Variants in TMPRSS11A observed in about 807,000 individuals in gnomAD.
The protein encoded by TMPRSS11A is transmembrane protease serine 11A.
A neutral mutation model predicts 58.9 loss-of-function variants in TMPRSS11A; 53 were observed. The observed-to-expected ratio is 0.90, with a 90% CI of 0.72 to 1.13. The LOEUF (loss-of-function observed/expected upper bound fraction) is 1.13, where lower values mean the gene tolerates loss of function less well. Ranked by LOEUF, TMPRSS11A falls within the 50% of genes most tolerant of loss-of-function variation. The pLI is 0.00. For synonymous variants in TMPRSS11A, 167 were observed against 169.8 expected (o/e 0.98, Z 0.13); for missense variants, 493 against 499.3 (o/e 0.99, Z 0.12).
At chr4:67,956,161 A>C (rs568743727) in intron 1 of TMPRSS11A, among the ~76,000 whole-genome samples, 2 of 152,220 alleles carry the variant, frequency 1.3e-5, no homozygotes, top group Admixed American at 1.3e-4. Context: ...CATAAGTCCT[A>C]CTCTAGGTCA....
chr4:67,946,359 A>AT (rs925478626), intron 2 of TMPRSS11A, 91 bp downstream of exon 2: 7 of 1,364,102 alleles, frequency 5.1e-6, no homozygotes, highest in Admixed American at 2.8e-5. Flanking sequence ...TAAATGTGCA[A>AT]TTTTTTAGAT....
intron 8 of TMPRSS11A, among the ~76,000 whole-genome samples, chr4:67,917,651 T>C (rs1157228279): frequency 1.3e-5 from 2 of 152,140 alleles, no homozygotes; most frequent in Non-Finnish European, 1.5e-5. Context: ...GAGGCCGTGT[T>C]CAAGTAGGGT....
chr4:67,942,894 C>T (rs1482205368), intron 3 of TMPRSS11A, among the ~76,000 whole-genome samples: 2 of 152,026 alleles, frequency 1.3e-5, no homozygotes, highest in Non-Finnish European at 2.9e-5. Flanking sequence ...AAAAAGTTCT[C>T]AGTAAAAAGA....
chr4:67,948,479 A>G (rs2109764715), intron 1 of TMPRSS11A, among the ~76,000 whole-genome samples: 1 of 152,272 alleles, frequency 6.6e-6, no homozygotes, highest in South Asian at 2.1e-4. Flanking sequence ...TTTTATATAT[A>G]AATGCCAGGA....
At chr4:67,911,540 A>T (rs769556322) in intron 9 of TMPRSS11A, 37 bp from the exon 10 acceptor site, 2 of 1,558,770 alleles carry the variant, frequency 1.3e-6, no homozygotes, top group Non-Finnish European at 1.8e-6. Context: ...AAAGAAAATT[A>T]GCTAAACATA....
chr4:67,928,831 A>T (rs1331604847), intron 5 of TMPRSS11A, among the ~76,000 whole-genome samples: 1 of 152,220 alleles, frequency 6.6e-6, no homozygotes, highest in Non-Finnish European at 1.5e-5. Context: ...GTCTGATAAA[A>T]ATCGCTTGCC....
intron 3 of TMPRSS11A, among the ~76,000 whole-genome samples, chr4:67,943,019 T>C (rs1269597457): frequency 7.7e-6 from 1 of 130,574 alleles, no homozygotes; most frequent in Admixed American, 7.5e-5. Context: ...ACATGAAACA[T>C]AGAATGATTT....
At chr4:67,944,482 C>A (rs749519427) in intron 3 of TMPRSS11A, 37 bp downstream of exon 3, 5 of 1,588,104 alleles carry the variant, frequency 3.1e-6, no homozygotes, top group East Asian at 2.2e-5. Context: ...CTTCCACTTG[C>A]ATTATTCTAT....
chr4:67,946,384 A>C, intron 2 of TMPRSS11A, 66 bp downstream of exon 2: 1 of 1,492,854 alleles, frequency 6.7e-7, no homozygotes, highest in Non-Finnish European at 9.0e-7. Flanking sequence ...TTACATTTAC[A>C]TATATGTAAA....
In TMPRSS11A at chr4:67,910,899, G is replaced by C. The variant is rs1237013554; in HGVS notation, c.*443C>G. On this transcript the variant is annotated 3_prime_UTR_variant, in exon 10 of 10. Coordinates refer to ENST00000508048, the MANE Select transcript of TMPRSS11A (RefSeq NM_001114387.2). ...GAAAGGTACTTTGGAAAATCTGATTGAATAAGGAAAAAGAAAAAAAAGTAT... is the reference window on the plus strand; with the variant it reads ...GAAAGGTACTTTGGAAAATCTGATTCAATAAGGAAAAAGAAAAAAAAGTAT... The C allele has an allele frequency of 6.6e-6, 1 of 152,200 alleles. No individual in the cohort carries two copies. Among genetic ancestry groups the C allele is most frequent in the African/African-American group, 2.4e-5 (1 of 41,398 alleles). The allele number at this position is 152,200 out of a possible 1,614,324, so 9.4% of individuals were successfully genotyped here.
At position 67,937,174 on chromosome 4, in the gene TMPRSS11A, T is replaced by A. The variant is rs140678970; in HGVS notation, c.253-5114A>T. On this transcript the variant is annotated intron_variant, in intron 3 of 9. Transcript: ENST00000508048. ...ACAACTTTATCAGGAAATTTAGAAA[T>A]AGTTCATATTACTTCTTTTCTCAAA... is the stretch of plus-strand genomic sequence containing the variant. Among the ~76,000 whole-genome samples, 5 of 152,262 alleles carry A rather than the reference T, an allele frequency of 3.3e-5. No homozygotes were observed. The East Asian group carries it at 9.7e-4, about 29-fold the overall frequency.
intron 1 of TMPRSS11A, among the ~76,000 whole-genome samples, chr4:67,958,276 G>A (rs550592541): frequency 2.0e-5 from 3 of 152,166 alleles, no homozygotes; most frequent in Non-Finnish European, 4.4e-5. Context: ...CTTTCACCAT[G>A]CACCTGGAAA....
chr4:67,930,103 A>G (rs1237367352), intron 4 of TMPRSS11A, 63 bp from the exon 5 acceptor site: 4 of 1,464,234 alleles, frequency 2.7e-6, no homozygotes, highest in Non-Finnish European at 1.9e-6. Context: ...CTTCAGTCTT[A>G]CCTGTATCTT....
intron 3 of TMPRSS11A, among the ~76,000 whole-genome samples, chr4:67,938,323 T>G (rs189187044): frequency 4.1e-4 from 63 of 152,326 alleles, no homozygotes; most frequent in African/African-American, 1.4e-3. Context: ...TTCAGATGCA[T>G]AGTTTGCAAA....
At chr4:67,927,605 T>C (rs1017698526) in intron 5 of TMPRSS11A, among the ~76,000 whole-genome samples, 1 of 152,098 alleles carries the variant, frequency 6.6e-6, no homozygotes, top group African/African-American at 2.4e-5. Context: ...GTCTGCCAGG[T>C]CAAGTGGGCA....
At chr4:67,961,808 C>T (rs1721436556) in intron 1 of TMPRSS11A, among the ~76,000 whole-genome samples, 1 of 152,056 alleles carries the variant, frequency 6.6e-6, no homozygotes, top group Non-Finnish European at 1.5e-5. Flanking sequence ...CCACCACGCC[C>T]AGCCTGTTTC....
rs1719958559 is a variant in TMPRSS11A, at chr4:67,910,925, T to C, written c.*417A>G. The C allele has an allele frequency of 6.5e-6, 1 of 153,228 alleles. No homozygotes were observed. Among genetic ancestry groups the C allele is most frequent in the Non-Finnish European group, 1.5e-5 (1 of 68,782 alleles). The allele number at this position is 153,228 out of a possible 1,614,324, so 9.5% of individuals were successfully genotyped here. On this transcript the variant is annotated 3_prime_UTR_variant, in exon 10 of 10. Coordinates refer to ENST00000508048, the MANE Select transcript of TMPRSS11A (RefSeq NM_001114387.2). ...AATAAGGAAAAAGAAAAAAAAGTAT[T>C]TGTGAGCTCGAGAGAAATGTAGGGA...
At chr4:67,959,128 A>G (rs1391476418) in intron 1 of TMPRSS11A, among the ~76,000 whole-genome samples, 1 of 152,226 alleles carries the variant, frequency 6.6e-6, no homozygotes, top group Admixed American at 6.5e-5. Flanking sequence ...AAAGAAGGAA[A>G]ACAAATCAAG....
chr4:67,921,678 G>T (rs1465878909), intron 7 of TMPRSS11A, among the ~76,000 whole-genome samples: 2 of 152,270 alleles, frequency 1.3e-5, no homozygotes, highest in East Asian at 3.9e-4. Flanking sequence ...CTAGGCAAAT[G>T]AAATTTATTA....
Sources: allele counts gnomAD v4.1 joint callset (sites outside exome capture counted in the v4.1 genomes callset), GRCh38; gene constraint gnomAD v4.1.1; transcripts MANE v1.5; gene names NCBI Gene and HGNC (gene_info 2026-07-23, HGNC 2026-07-21).